Variants in TMCC2 observed in about 807,000 individuals in gnomAD.
TMCC2 encodes the protein transmembrane and coiled-coil domain family 2, also known as transmembrane and coiled-coil domains protein 2.
A neutral mutation model predicts 49.4 loss-of-function variants in TMCC2; 16 were observed. The observed-to-expected ratio is 0.32, with a 90% CI of 0.22 to 0.49. The LOEUF is 0.49. Among genes scored for constraint, TMCC2 ranks in the 20% least tolerant of loss-of-function variants. The pLI is 0.99. For missense variants in TMCC2, 762 were observed against 989.8 expected (o/e 0.77, Z 3.09); for synonymous variants, 397 against 434.1 (o/e 0.91, Z 1.06).
At chr1:205,263,567 C>G (rs1200179476) in intron 2 of TMCC2, among the ~76,000 whole-genome samples, 1 of 152,074 alleles carries the variant, frequency 6.6e-6, no homozygotes, top group African/African-American at 2.4e-5. Context: ...TGGCATGTAC[C>G]TGTAGTCCCT....
At chr1:205,240,115 T>C (rs1276549526) in intron 1 of TMCC2, among the ~76,000 whole-genome samples, 1 of 152,236 alleles carries the variant, frequency 6.6e-6, no homozygotes, top group African/African-American at 2.4e-5. Flanking sequence ...CCCTGAGTTT[T>C]CCTCTAAGGA....
At chr1:205,269,929 A>G in intron 3 of TMCC2, 45 bp downstream of exon 3, 2 of 1,570,396 alleles carry the variant, frequency 1.3e-6, no homozygotes, top group Non-Finnish European at 1.7e-6. Flanking sequence ...CGGACGTGGG[A>G]TGAGGCAAGG....
At chr1:205,271,631 C>G (rs1048483926) in intron 4 of TMCC2, among the ~76,000 whole-genome samples, 182 bp from the exon 5 acceptor site, 2 of 152,226 alleles carry the variant, frequency 1.3e-5, no homozygotes, top group Non-Finnish European at 2.9e-5. Context: ...TTCCTAGCAT[C>G]CTCCCCAAAG....
intron 1 of TMCC2, among the ~76,000 whole-genome samples, chr1:205,230,851 A>G (rs1410369750): frequency 6.7e-6 from 1 of 150,326 alleles, no homozygotes; most frequent in Non-Finnish European, 1.5e-5. Context: ...TTTTTTTGGC[A>G]GTGCCCTCAT....
intron 2 of TMCC2, chr1:205,256,149 C>A (rs770342660): frequency 1.5e-6 from 2 of 1,339,338 alleles, no homozygotes; most frequent in Non-Finnish European, 2.0e-6. Context: ...ACCCAATCAA[C>A]GTGACGCGTG....
chr1:205,268,799 G>A, intron 2 of TMCC2, 151 bp from the exon 3 acceptor site: 1 of 698,520 alleles, frequency 1.4e-6, no homozygotes, highest in Middle Eastern at 3.4e-4. Context: ...CTGTGTAAGT[G>A]GCTGTCAGGG....
intron 2 of TMCC2, among the ~76,000 whole-genome samples, chr1:205,251,188 A>T (rs1250717089): frequency 1.3e-5 from 2 of 152,180 alleles, no homozygotes; most frequent in African/African-American, 4.8e-5. Flanking sequence ...CATTCCTTCT[A>T]GGCTCCTAGG....
intron 2 of TMCC2, among the ~76,000 whole-genome samples, chr1:205,254,845 G>A (rs757573570): frequency 6.6e-5 from 10 of 152,090 alleles, no homozygotes; most frequent in Non-Finnish European, 1.5e-4. Flanking sequence ...CAGCTCACTC[G>A]GCCCCTCCCC....
At chr1:205,239,469 A>G (rs1558644131) in intron 1 of TMCC2, among the ~76,000 whole-genome samples, 1 of 152,182 alleles carries the variant, frequency 6.6e-6, no homozygotes. Context: ...AGGGGATGGT[A>G]ACTCCTGTGG....
rs577460909 is a variant in TMCC2, at chr1:205,236,272, A to T, written c.208-5233A>T. Among the ~76,000 whole-genome samples, 6 of 152,284 alleles carry T rather than the reference A, an allele frequency of 3.9e-5. No individual in the cohort carries two copies. In the South Asian group the frequency reaches 1.2e-3, roughly 32 times the overall value. The stretch of plus-strand genomic sequence containing the variant: ...CTTGGTCTGTGTTCATCTCCTTCCA[A>T]GCCAACTCAATCTTGGCGGTTACTA... On this transcript the variant is annotated intron_variant, in intron 1 of 4. Coordinates refer to ENST00000358024, the MANE Select transcript of TMCC2 (RefSeq NM_014858.4).
rs1394193686 is a variant in TMCC2, at chr1:205,272,102, A to G, written c.2108A>G (p.Glu703Gly). 6.2e-7 allele frequency: 1 copy of G among 1,613,038 alleles called. No individual in the cohort carries two copies. The highest frequency in any genetic ancestry group is 2.2e-5 in the East Asian group (1 of 44,836). Residue 703 changes from glutamate to glycine, a missense_variant, in exon 5 of 5, where the codon GAG becomes GGG. Physicochemically the swap from Glu to Gly is moderately conservative, Grantham distance 98. Around this residue, in one of 2 missense-constraint regions of TMCC2, gnomAD observed 440 missense variants for 636.7 expected, o/e 0.69. Transcript: ENST00000358024. ...TGGGACTCCCTCACCTACCTCCTGG[A>G]GCACGTGTTGCTGCCCAGCTGAGTG... Reference protein sequence around the residue: ...KHWDSLTYLLEHVLLPS With the variant: ...KHWDSLTYLLGHVLLPS
chr1:205,238,919 C>T (rs1660159351), intron 1 of TMCC2, among the ~76,000 whole-genome samples: 2 of 152,132 alleles, frequency 1.3e-5, no homozygotes, highest in South Asian at 2.1e-4. Context: ...CAGTATAAAT[C>T]GGAACGCACT....
At chr1:205,268,028 A>G in intron 2 of TMCC2, 1 of 985,404 alleles carries the variant, frequency 1.0e-6, no homozygotes. Context: ...ATGAAGCGGA[A>G]AAGGTTACCA....
chr1:205,271,218 T>A lies in TMCC2; in HGVS notation c.1781T>A (p.Val594Glu). 6.2e-7 allele frequency: 1 copy of A among 1,614,072 alleles called. No homozygotes were observed. Residue 594 changes from valine to glutamate, a missense_variant, in exon 4 of 5, where the codon GTG becomes GAG. Physicochemically the swap from Val to Glu is moderately radical, Grantham distance 121 (BLOSUM62 -2). This residue lies in a region of TMCC2 where 440 missense variants were observed against 636.7 expected (regional missense o/e 0.69). Coordinates refer to ENST00000358024, the MANE Select transcript of TMCC2 (RefSeq NM_014858.4). ...KQELASMEEK[V>E]AYQSYERARD... ...GAGCTGGCCAGCATGGAGGAGAAGG[T>A]GGCCTACCAGTCCTATGAGAGGGCA...
chr1:205,250,663 G>A (rs965912773), intron 2 of TMCC2, among the ~76,000 whole-genome samples: 3 of 152,224 alleles, frequency 2.0e-5, no homozygotes, highest in Admixed American at 6.5e-5. Context: ...TAGCCAAGAT[G>A]TAAGGTCATG....
intron 4 of TMCC2, among the ~76,000 whole-genome samples, 190 bp from the exon 5 acceptor site, chr1:205,271,623 C>T (rs918706228): frequency 6.6e-6 from 1 of 152,196 alleles, no homozygotes; most frequent in African/African-American, 2.4e-5. Flanking sequence ...ACTCTCATTT[C>T]CTAGCATCCT....
chr1:205,250,496 G>A (rs1326916632), intron 2 of TMCC2, among the ~76,000 whole-genome samples: 2 of 152,032 alleles, frequency 1.3e-5, no homozygotes, highest in African/African-American at 2.4e-5. Context: ...AGCTGAGATC[G>A]CGCCATTACA....
intron 2 of TMCC2, among the ~76,000 whole-genome samples, chr1:205,242,784 C>A (rs566620704): frequency 1.3e-5 from 2 of 151,842 alleles, no homozygotes; most frequent in African/African-American, 2.4e-5. Flanking sequence ...GAGGAGAGAG[C>A]GAGGAGCTGG....
Position 205,272,692 on chromosome 1 carries a change from C to A in TMCC2, c.*568C>A, listed in dbSNP as rs940306550. The A allele has an allele frequency of 1.3e-5, 2 of 155,742 alleles. No homozygotes were observed. Among genetic ancestry groups the A allele is most frequent in the African/African-American group, 4.8e-5 (2 of 41,396 alleles). The allele number at this position is 155,742 out of a possible 1,614,324, so 9.6% of individuals were successfully genotyped here. A position where few individuals can be genotyped will look rare whatever the true frequency, so the allele number is the denominator to read the frequency against. On this transcript the variant is annotated 3_prime_UTR_variant, in exon 5 of 5. Coordinates refer to ENST00000358024, the MANE Select transcript of TMCC2 (RefSeq NM_014858.4). ...GTGGAGCTCAGCATCCCCACCCCAC[C>A]CCTCCTCCCTGTAGAGCTGATTTGA...
Sources: allele counts gnomAD v4.1 joint callset (sites outside exome capture counted in the v4.1 genomes callset), GRCh38; gene constraint gnomAD v4.1.1; regional missense constraint gnomAD v4.1.1; transcripts MANE v1.5; gene names NCBI Gene and HGNC (gene_info 2026-07-23, HGNC 2026-07-21).